The following DHH variants were observed in gnomAD, a reference collection of about 807,000 sequenced individuals.
The protein encoded by DHH is desert hedgehog protein.
In DHH, 16 loss-of-function variants were observed where a neutral mutation model predicts 27.6. The ratio of observed to expected loss-of-function variants is 0.58; its 90% CI spans 0.39 to 0.88. DHH has a LOEUF of 0.88. DHH is among the 40% of genes least tolerant of loss of function. The pLI, the probability that DHH is intolerant of heterozygous loss-of-function variation, is 0.00. For synonymous variants in DHH, 289 were observed against 263.4 expected (o/e 1.10, Z -0.94); for missense variants, 436 against 563.1 (o/e 0.77, Z 2.28).
In DHH at chr12:49,088,217, T is replaced by G. The variant is rs1202322693; in HGVS notation, c.*1642A>C. 6.6e-6 allele frequency among the ~76,000 whole-genome samples: 1 copy of G among 152,038 alleles called. No individual in the cohort carries two copies. Among genetic ancestry groups the G allele is most frequent in the Non-Finnish European group, 1.5e-5 (1 of 67,988 alleles). ...AGGAGTGATGTAAAAGTGCCATGGT[T>G]TGGAACGACTTGCCCAAGGAGAAGC... On this transcript the variant is annotated 3_prime_UTR_variant, in exon 3 of 3. Transcript: ENST00000649637.
Position 49,089,831 on chromosome 12 carries a change from C to G in DHH, c.*28G>C. 1 of 1,506,894 alleles carries G rather than the reference C, an allele frequency of 6.6e-7. No homozygotes were observed. The highest frequency in any genetic ancestry group is 8.9e-7 in the Non-Finnish European group (1 of 1,122,466). 93.3% of individuals were successfully genotyped at this position (1,506,894 alleles called of 1,614,324 possible). On this transcript the variant is annotated 3_prime_UTR_variant, in exon 3 of 3. Transcript: ENST00000649637. ...GCCAGCAGGCCCTCGTTTCCTCGGG[C>G]GCTTCGAGGTTTCTATGCCTGGGAC...
At position 49,094,700 on chromosome 12, in the gene DHH, G is replaced by C; in HGVS notation, c.-188C>G. On this transcript the variant is annotated 5_prime_UTR_variant, in exon 1 of 3. Transcript: ENST00000649637. ...CACGTGCCCCGGGAGCGGGCGGGGG[G>C]TGTCTAGGACCTGCTACTGACAAAC... The C allele has an allele frequency of 1.4e-6, 1 of 725,078 alleles. No individual in the cohort carries two copies. The highest frequency in any genetic ancestry group is 2.4e-6 in the Non-Finnish European group (1 of 424,312). The allele number at this position is 725,078 out of a possible 1,614,324, so 44.9% of individuals were successfully genotyped here.
At chr12:49,092,796 G>A (rs1255423850) in intron 1 of DHH, 2 of 152,282 alleles carry the variant, frequency 1.3e-5, no homozygotes, top group Non-Finnish European at 2.9e-5. Context: ...AGCCCCTCCT[G>A]AGCCTGTCCC....
chr12:49,091,090 C>T lies in DHH; in HGVS notation c.565+38G>A, dbSNP rs752958381. 23 of 1,613,892 alleles carry T rather than the reference C, an allele frequency of 1.4e-5. 1 individual carries two copies. In the Middle Eastern group the frequency reaches 1.2e-3, roughly 81 times the overall value. ...CAGACTCAGTTTCCCGGAGGGAGCC[C>T]CCTTTGGGCGGATTTTACCACCCTC... On this transcript the variant is annotated intron_variant, in intron 2 of 2. Coordinates refer to ENST00000649637, the MANE Select transcript of DHH (RefSeq NM_021044.4). The surrounding 1 kb of genome is among the most constrained non-coding windows in gnomAD (Gnocchi z 4.8).
In DHH at chr12:49,090,551, G is replaced by C. The variant is rs1939281545; in HGVS notation, c.566-67C>G. 5.7e-6 allele frequency: 9 copies of C among 1,572,466 alleles called. No individual in the cohort carries two copies. The South Asian group carries it at 8.0e-5, about 14-fold the overall frequency. ...GGTTCCAGAACGATTCTCAAGGCCA[G>C]CGCAGATATCGCCAGTCATGGACAA... On this transcript the variant is annotated intron_variant, in intron 2 of 2. Transcript: ENST00000649637. This position sits in a 1 kb window ranked among gnomAD's most constrained non-coding sequence, Gnocchi z 5.2.
Position 49,091,150 on chromosome 12 carries a change from GT to G in DHH, c.542del (p.His181ProfsTer156). ...TACCAGCTTTGACCGACACGTGGACGTGGTTGCGGGACTCGTAGTAGACCCA... is the reference window on the plus strand; with the variant it reads ...TACCAGCTTTGACCGACACGTGGACGGGTTGCGGGACTCGTAGTAGACCCA... ...FDWVYYESRN[H>X]VHVSVKADNS... On this transcript the variant is annotated frameshift_variant, in exon 2 of 3. Coordinates refer to ENST00000649637, the MANE Select transcript of DHH (RefSeq NM_021044.4). LOFTEE classifies it high-confidence loss of function. The surrounding 1 kb of genome is among the most constrained non-coding windows in gnomAD (Gnocchi z 4.8). 6.2e-7 allele frequency: 1 copy of G among 1,614,248 alleles called. No homozygotes were observed. Among genetic ancestry groups the G allele is most frequent in the Admixed American group, 1.7e-5 (1 of 60,030 alleles).
rs1209137012 is a variant in DHH at position 49,089,528 on chromosome 12, G to C, written c.*331C>G. The C allele has an allele frequency of 4.6e-6, 1 of 218,332 alleles. No homozygotes were observed. The highest frequency in any genetic ancestry group is 8.9e-6 in the Non-Finnish European group (1 of 111,924). 13.5% of individuals were successfully genotyped at this position (218,332 alleles called of 1,614,324 possible). A position where few individuals can be genotyped will look rare whatever the true frequency, so the allele number is the denominator to read the frequency against. On this transcript the variant is annotated 3_prime_UTR_variant, in exon 3 of 3. Transcript: ENST00000649637. ...CAGACAGTGTTAATGCCATGCCCCA[G>C]CCCCTCACCTTGGCAAGCTGGGCAA... is the stretch of plus-strand genomic sequence containing the variant.
rs1259329771 is a variant in DHH, at chr12:49,091,951, G to A, written c.304-562C>T. Among the ~76,000 whole-genome samples, 2 of 152,180 alleles carry A rather than the reference G, an allele frequency of 1.3e-5. No homozygotes were observed. The highest frequency in any genetic ancestry group is 4.8e-5 in the African/African-American group (2 of 41,448). Reference sequence around the variant, plus strand: ...AGAGGTGCCCAAGAGGAGCTGTGCGGGATCAAGGCTGCTGGAAAAAGGATT... The same window carrying A: ...AGAGGTGCCCAAGAGGAGCTGTGCGAGATCAAGGCTGCTGGAAAAAGGATT... On this transcript the variant is annotated intron_variant, in intron 1 of 2. Transcript: ENST00000649637. The surrounding 1 kb of genome is among the most constrained non-coding windows in gnomAD (Gnocchi z 4.8).
Position 49,091,663 on chromosome 12 carries a change from A to G in DHH, c.304-274T>C, listed in dbSNP as rs946264463. Among the ~76,000 whole-genome samples the G allele has an allele frequency of 2.0e-5, 3 of 151,924 alleles. No individual in the cohort carries two copies. Among genetic ancestry groups the G allele is most frequent in the Non-Finnish European group, 4.4e-5 (3 of 67,966 alleles). On this transcript the variant is annotated intron_variant, in intron 1 of 2. Coordinates refer to ENST00000649637, the MANE Select transcript of DHH (RefSeq NM_021044.4). The surrounding 1 kb of genome is among the most constrained non-coding windows in gnomAD (Gnocchi z 4.8). ...TTTTTAATGCCCGTCCCTCACCCCT[A>G]TTGGTTCAGGGACAGCGGCTCAACC...
rs1939277254 is a variant in DHH at position 49,090,394 on chromosome 12, A to C, written c.656T>G (p.Leu219Arg). Reference protein sequence around the residue: ...WSGERKGLRELHRGDWVLAAD... With the variant: ...WSGERKGLRERHRGDWVLAAD... Reference sequence around the variant, plus strand: ...CGCCAAAACCCAGTCTCCGCGGTGCAGTTCCCGCAGCCCTTTCCGCTCGCC... The same window carrying C: ...CGCCAAAACCCAGTCTCCGCGGTGCCGTTCCCGCAGCCCTTTCCGCTCGCC... Residue 219 changes from leucine (L) to arginine (R), a missense_variant, in exon 3 of 3, where the codon CTG becomes CGG. Physicochemically the swap from Leu to Arg is moderately radical, Grantham distance 102 (BLOSUM62 -2). Coordinates refer to ENST00000649637, the MANE Select transcript of DHH (RefSeq NM_021044.4). This position sits in a 1 kb window ranked among gnomAD's most constrained non-coding sequence, Gnocchi z 5.2. The C allele has an allele frequency of 6.2e-7, 1 of 1,609,720 alleles. No homozygotes were observed.
At chr12:49,092,836 AC>A (rs1939329939) in intron 1 of DHH, 1 of 152,286 alleles carries the variant, frequency 6.6e-6, no homozygotes, top group Admixed American at 6.5e-5. Flanking sequence ...GCAGGTGGCA[AC>A]CAGAGGAAAG....
In DHH at chr12:49,088,725, C is replaced by G. The variant is rs1483960395; in HGVS notation, c.*1134G>C. Among the ~76,000 whole-genome samples the G allele has an allele frequency of 6.6e-6, 1 of 152,074 alleles. No homozygotes were observed. Among genetic ancestry groups the G allele is most frequent in the South Asian group, 2.1e-4 (1 of 4,828 alleles). ...TGATAATGGGAGAGGGAGGAGGAGG[C>G]GCTGAAGACCAAGCCAGTAGAAACA... On this transcript the variant is annotated 3_prime_UTR_variant, in exon 3 of 3. Transcript: ENST00000649637.
Position 49,089,768 on chromosome 12 carries a change from C to T in DHH, c.*91G>A. On this transcript the variant is annotated 3_prime_UTR_variant, in exon 3 of 3. Coordinates refer to ENST00000649637, the MANE Select transcript of DHH (RefSeq NM_021044.4). ...CCTCCCCCTCCCTCTCCCTCCCTTC[C>T]AGTCGGCATCGTCTGCTGCCCACAG... The T allele has an allele frequency of 7.1e-7, 1 of 1,413,848 alleles. No homozygotes were observed. The allele number at this position is 1,413,848 out of a possible 1,614,324, so 87.6% of individuals were successfully genotyped here.
chr12:49,091,471 T>A lies in DHH; in HGVS notation c.304-82A>T. 4 of 1,568,336 alleles carry A rather than the reference T, an allele frequency of 2.6e-6. No homozygotes were observed. The highest frequency in any genetic ancestry group is 3.4e-6 in the Non-Finnish European group (4 of 1,159,478). ...CTGGATAGGAGGGTTGATTCTTTGT[T>A]ATTCCGGCCCTACTCTTACCCCTCC... On this transcript the variant is annotated intron_variant, in intron 1 of 2. Transcript: ENST00000649637. The surrounding 1 kb of genome is among the most constrained non-coding windows in gnomAD (Gnocchi z 4.8).
chr12:49,091,535 G>A lies in DHH; in HGVS notation c.304-146C>T. 1 of 1,245,192 alleles carries A rather than the reference G, an allele frequency of 8.0e-7. No individual in the cohort carries two copies. The highest frequency in any genetic ancestry group is 1.1e-6 in the Non-Finnish European group (1 of 891,456). 77.1% of individuals were successfully genotyped at this position (1,245,192 alleles called of 1,614,324 possible). On this transcript the variant is annotated intron_variant, in intron 1 of 2. Coordinates refer to ENST00000649637, the MANE Select transcript of DHH (RefSeq NM_021044.4). The surrounding 1 kb of genome is among the most constrained non-coding windows in gnomAD (Gnocchi z 4.8). ...TCCTGGAGAAATGAGAATCTGAGTCGATGGTAGTCACCAATCTGCACTCTG... is the reference window on the plus strand; with the variant it reads ...TCCTGGAGAAATGAGAATCTGAGTCAATGGTAGTCACCAATCTGCACTCTG...
intron 1 of DHH, among the ~76,000 whole-genome samples, chr12:49,093,705 C>T (rs559765142): frequency 2.0e-3 from 297 of 152,292 alleles, no homozygotes; most frequent in Non-Finnish European, 3.1e-3. Context: ...AATGTCTGCC[C>T]AGCCCCTCCT....
rs139635592 is a variant in DHH at position 49,089,137 on chromosome 12, G to A, written c.*722C>T. Reference sequence around the variant, plus strand: ...CCCTGCTGGAGCCCCTATAAACAGAGAAGAGGTGTGCACAGTCTTTCCCAC... The same window carrying A: ...CCCTGCTGGAGCCCCTATAAACAGAAAAGAGGTGTGCACAGTCTTTCCCAC... On this transcript the variant is annotated 3_prime_UTR_variant, in exon 3 of 3. Coordinates refer to ENST00000649637, the MANE Select transcript of DHH (RefSeq NM_021044.4). Among the ~76,000 whole-genome samples the A allele has an allele frequency of 1.5e-3, 235 of 152,370 alleles. 1 individual carries two copies. Among genetic ancestry groups the A allele is most frequent in the African/African-American group, 5.4e-3 (225 of 41,588 alleles).
rs114857441 is a variant in DHH at position 49,090,510 on chromosome 12, T to A, written c.566-26A>T. 9,227 of 1,596,038 alleles carry A rather than the reference T, an allele frequency of 5.8e-3. 462 individuals carry two copies. In the African/African-American group the frequency reaches 0.11, roughly 19 times the overall value. On this transcript the variant is annotated intron_variant, in intron 2 of 2. Coordinates refer to ENST00000649637, the MANE Select transcript of DHH (RefSeq NM_021044.4). The surrounding 1 kb of genome is among the most constrained non-coding windows in gnomAD (Gnocchi z 5.2). The stretch of plus-strand genomic sequence containing the variant: ...CTGCAGGGAACAACCACAGGGAGGA[T>A]TGAATCAAGACCAGCGGTTCCAGAA...
Position 49,091,862 on chromosome 12 carries a change from C to T in DHH, c.304-473G>A, listed in dbSNP as rs1939310698. On this transcript the variant is annotated intron_variant, in intron 1 of 2. Coordinates refer to ENST00000649637, the MANE Select transcript of DHH (RefSeq NM_021044.4). The surrounding 1 kb of genome is among the most constrained non-coding windows in gnomAD (Gnocchi z 4.8). Reference sequence around the variant, plus strand: ...CCTGGCACCGGGCATCGCTTCCTTCCTTCCTTCCTCCTCCTCCTTTGGGCC... The same window carrying T: ...CCTGGCACCGGGCATCGCTTCCTTCTTTCCTTCCTCCTCCTCCTTTGGGCC... Among the ~76,000 whole-genome samples the T allele has an allele frequency of 6.6e-6, 1 of 152,154 alleles. No individual in the cohort carries two copies. The highest frequency in any genetic ancestry group is 6.5e-5 in the Admixed American group (1 of 15,282).
Sources: gnomAD v4.1 joint callset for allele counts (sites outside exome capture counted in the v4.1 genomes callset) on GRCh38, gnomAD v4.1.1 for gene constraint, Gnocchi (gnomAD v3.1) non-coding constraint, MANE v1.5 for transcripts, NCBI Gene and HGNC (gene_info 2026-07-23, HGNC 2026-07-21) for gene names.